Variants in F13B observed in about 807,000 individuals in gnomAD.
The protein encoded by F13B is TGase.
A neutral mutation model predicts 79.8 loss-of-function variants in F13B; 58 were observed. The ratio of observed to expected loss-of-function variants is 0.73; its 90% confidence interval spans 0.59 to 0.90. The LOEUF is 0.90. F13B is among the 40% of genes least tolerant of loss of function. The pLI is 0.00. For missense variants in F13B, 773 were observed against 777.0 expected (o/e 0.99, Z 0.06); for synonymous variants, 283 against 260.3 (o/e 1.09, Z -0.84).
intron 10 of F13B, among the ~76,000 whole-genome samples, chr1:197,046,669 T>G (rs1431267401): frequency 6.6e-6 from 1 of 152,106 alleles, no homozygotes; most frequent in African/African-American, 2.4e-5. Context: ...TACTTTAAAA[T>G]TCATATGGAA....
At chr1:197,065,136 T>C (rs1297956771) in intron 1 of F13B, among the ~76,000 whole-genome samples, 3 of 152,108 alleles carry the variant, frequency 2.0e-5, no homozygotes, top group Admixed American at 6.6e-5. Context: ...TCTTCCAAAA[T>C]AGCAGTGCAA....
In F13B at chr1:197,057,022, C is replaced by G. The variant is rs1280513811; in HGVS notation, c.1162G>C (p.Glu388Gln). Reference protein sequence around the residue: ...CNRGKWTLPPECVENNENCKH... With the variant: ...CNRGKWTLPPQCVENNENCKH... ...AATGTAGCATACATACCAACACACT[C>G]AGGAGGAAGTGTCCATTTTCCACGA... The change falls in exon 7 of 12, where the codon GAG becomes CAG. Residue 388 changes from glutamate to glutamine, a missense_variant. Physicochemically the swap from Glu to Gln is conservative, Grantham distance 29 (BLOSUM62 2). Transcript: ENST00000367412. 1 of 1,613,472 alleles carries G rather than the reference C, an allele frequency of 6.2e-7. No homozygotes were observed. Among genetic ancestry groups the G allele is most frequent in the Admixed American group, 1.7e-5 (1 of 59,942 alleles).
chr1:197,050,754 C>T lies in F13B; in HGVS notation c.1681G>A (p.Gly561Arg), dbSNP rs1173978211. 3 of 1,613,248 alleles carry T rather than the reference C, an allele frequency of 1.9e-6. No homozygotes were observed. Among genetic ancestry groups the T allele is most frequent in the Non-Finnish European group, 2.5e-6 (3 of 1,179,548 alleles). The change falls in exon 10 of 12, where the codon GGA becomes AGA. Residue 561 changes from glycine to arginine, a missense_variant. Transcript: ENST00000367412. Reference protein sequence around the residue: ...YRCFDHHFLEGSREAYCLDGM... With the variant: ...YRCFDHHFLERSREAYCLDGM... ...TCTAAACAATAGGCCTCCCTAGATC[C>T]TTCTAGGAAATGGTGATCAAAACAT...
intron 8 of F13B, 68 bp downstream of exon 8, chr1:197,055,647 A>T: frequency 6.7e-7 from 1 of 1,484,162 alleles, no homozygotes; most frequent in Non-Finnish European, 9.4e-7. Context: ...CATTTTCATG[A>T]TATAAAACAC....
Position 197,057,405 on chromosome 1 carries a change from G to A in F13B, c.866C>T (p.Ser289Leu). The A allele has an allele frequency of 6.2e-7, 1 of 1,613,948 alleles. No individual in the cohort carries two copies. The highest frequency in any genetic ancestry group is 2.2e-5 in the East Asian group (1 of 44,872). The change falls in exon 6 of 12, where the codon TCA becomes TTA. Residue 289 changes from serine to leucine, a missense_variant. Physicochemically the swap from Ser to Leu is moderately radical, Grantham distance 145. Coordinates refer to ENST00000367412, the MANE Select transcript of F13B (RefSeq NM_001994.3). ...TATTTCTCCATGACGATAAGTTGTT[G>A]AATGTGTTTGAATTTTGGAGTTTAT... ...LPINSKIQTH[S>L]TTYRHGEIVH...
At chr1:197,042,336 A>G (rs1467708877) in intron 10 of F13B, among the ~76,000 whole-genome samples, 1 of 152,208 alleles carries the variant, frequency 6.6e-6, no homozygotes, top group East Asian at 1.9e-4. Context: ...ATTTAAATTA[A>G]AATAAATTTA....
At chr1:197,058,712 C>T (rs1655735285) in intron 5 of F13B, among the ~76,000 whole-genome samples, 1 of 152,078 alleles carries the variant, frequency 6.6e-6, no homozygotes, top group Non-Finnish European at 1.5e-5. Context: ...TTGTTAACCT[C>T]AAAGTGTCTT....
chr1:197,057,570 AC>A, intron 5 of F13B, 105 bp from the exon 6 acceptor site: 1 of 1,221,652 alleles, frequency 8.2e-7, no homozygotes, highest in South Asian at 1.3e-5. Context: ...AGAATGGCAG[AC>A]TGATTCTAGG....
At chr1:197,042,594 G>A (rs1030882335) in intron 10 of F13B, among the ~76,000 whole-genome samples, 2 of 150,084 alleles carry the variant, frequency 1.3e-5, no homozygotes, top group Non-Finnish European at 3.0e-5. Flanking sequence ...CAAGGCGGGC[G>A]GATCATCTGA....
At chr1:197,043,264 G>A (rs764002067) in intron 10 of F13B, among the ~76,000 whole-genome samples, 34 of 152,098 alleles carry the variant, frequency 2.2e-4, no homozygotes, top group Non-Finnish European at 4.3e-4. Flanking sequence ...GTGAGAAAAG[G>A]CAAACAGAGG....
intron 5 of F13B, among the ~76,000 whole-genome samples, chr1:197,059,445 C>A (rs1558310712): frequency 6.6e-6 from 1 of 152,146 alleles, no homozygotes; most frequent in Non-Finnish European, 1.5e-5. Flanking sequence ...ATCTTCACCA[C>A]TTTCCTCCAA....
In F13B at chr1:197,057,180, G is replaced by C; in HGVS notation, c.1004C>G (p.Ala335Gly). 1.9e-6 allele frequency: 3 copies of C among 1,613,836 alleles called. No homozygotes were observed. Among genetic ancestry groups the C allele is most frequent in the South Asian group, 2.2e-5 (2 of 91,076 alleles). Residue 335 changes from alanine (A) to glycine (G), a missense_variant, in exon 7 of 12, where the codon GCC becomes GGC. Ala to Gly is a moderately conservative substitution (Grantham distance 60). Transcript: ENST00000367412. Reference protein sequence around the residue: ...PKCIEGQEKVACEEPPFIENG... With the variant: ...PKCIEGQEKVGCEEPPFIENG... ...TTCAATGAAGGGTGGTTCCTCACAG[G>C]CTACCTTCTCCTGTCCTTCTGAAAA...
rs2125073144 is a variant in F13B, at chr1:197,061,920, C to A, written c.315G>T (p.Lys105Asn). The A allele has an allele frequency of 6.2e-7, 1 of 1,612,960 alleles. No homozygotes were observed. The highest frequency in any genetic ancestry group is 8.5e-7 in the Non-Finnish European group (1 of 1,179,370). The change falls in exon 3 of 12, where the codon AAG becomes AAT. Residue 105 changes from lysine to asparagine, a missense_variant. Physicochemically the swap from Lys to Asn is moderately conservative, Grantham distance 94. Transcript: ENST00000367412. ...DLSNGYISDV[K>N]LLYKIQENMR... ...TGTTCTCTTGAATTTTATACAATAACTTTACATCAGAGATGTAACCATTAC... is the reference window on the plus strand; with the variant it reads ...TGTTCTCTTGAATTTTATACAATAAATTTACATCAGAGATGTAACCATTAC...
At chr1:197,047,830 G>A (rs10754211) in intron 10 of F13B, among the ~76,000 whole-genome samples, 116,598 of 152,068 alleles carry the variant, frequency 0.77, 48,761 homozygotes, top group East Asian at 0.98. Flanking sequence ...ATGAGTTCAT[G>A]CCCTTTGCAG....
intron 7 of F13B, 70 bp downstream of exon 7, chr1:197,056,943 G>C: frequency 6.5e-7 from 1 of 1,531,776 alleles, no homozygotes; most frequent in East Asian, 2.3e-5. Context: ...GGAATATTCA[G>C]ATTAAAGTAA....
chr1:197,056,943 G>A (rs1489608285), intron 7 of F13B, 70 bp downstream of exon 7: 3 of 1,531,658 alleles, frequency 2.0e-6, no homozygotes, highest in East Asian at 2.3e-5. Flanking sequence ...GGAATATTCA[G>A]ATTAAAGTAA....
rs140381752 is a variant in F13B, at chr1:197,059,639, C to T, written c.805+727G>A. On this transcript the variant is annotated intron_variant, in intron 5 of 11. Transcript: ENST00000367412. Reference sequence around the variant, plus strand: ...TCTGTGAATGCTATTCCACAGCATACCAATCAGAATCTCTAATGTTTATTC... The same window carrying T: ...TCTGTGAATGCTATTCCACAGCATATCAATCAGAATCTCTAATGTTTATTC... 2.9e-3 allele frequency among the ~76,000 whole-genome samples: 443 copies of T among 152,304 alleles called. 4 individuals carry two copies. Among genetic ancestry groups the T allele is most frequent in the African/African-American group, 9.6e-3 (397 of 41,568 alleles).
chr1:197,057,874 G>A (rs1386412060), intron 5 of F13B, among the ~76,000 whole-genome samples: 1 of 152,214 alleles, frequency 6.6e-6, no homozygotes, highest in Non-Finnish European at 1.5e-5. Context: ...ACAAGAAACA[G>A]AGGCTCTCAG....
intron 10 of F13B, 52 bp from the exon 11 acceptor site, chr1:197,040,787 T>C: frequency 6.9e-7 from 1 of 1,443,500 alleles, no homozygotes; most frequent in Non-Finnish European, 9.5e-7. Context: ...AACTATCTTG[T>C]TACATCTTGG....
Sources: allele counts gnomAD v4.1 joint callset (sites outside exome capture counted in the v4.1 genomes callset), GRCh38; gene constraint gnomAD v4.1.1; transcripts MANE v1.5; gene names NCBI Gene and HGNC (gene_info 2026-07-23, HGNC 2026-07-21).